Variants in FRG1 observed in about 807,000 individuals in gnomAD.
FRG1 encodes the protein FSHD region gene 1, also known as protein FRG1.
In FRG1, 19 loss-of-function variants were observed where a neutral mutation model predicts 37.0. That is an observed-to-expected ratio of 0.51 (90% CI 0.36 to 0.75). The LOEUF is 0.75. Ranked by LOEUF, FRG1 falls within the 30% of genes least tolerant of loss-of-function variation. The pLI, the probability that FRG1 is intolerant of heterozygous loss-of-function variation, is 0.00. For missense variants in FRG1, 243 were observed against 301.4 expected, an observed-to-expected ratio of 0.81 and a Z score of 1.44; for synonymous variants, 73 against 96.5, an observed-to-expected ratio of 0.76 and a Z score of 1.43.
At chr4:189,948,314 G>A (rs1225403946) in intron 2 of FRG1, among the ~76,000 whole-genome samples, 3 of 152,146 alleles carry the variant, frequency 2.0e-5, no homozygotes, top group South Asian at 2.1e-4. Context: ...TAATAAAAAC[G>A]AGCATGTCTG....
chr4:189,952,309 G>C, intron 3 of FRG1, 22 bp downstream of exon 3: 1 of 1,594,216 alleles, frequency 6.3e-7, no homozygotes, highest in South Asian at 1.1e-5. Context: ...GAAGGGAAGA[G>C]GCTGCCACAA....
At chr4:189,946,313 A>G (rs901472118) in intron 2 of FRG1, among the ~76,000 whole-genome samples, 2 of 144,436 alleles carry the variant, frequency 1.4e-5, no homozygotes, top group Non-Finnish European at 3.0e-5. Flanking sequence ...TGATAAGCCA[A>G]AAAAAAAAAA....
At chr4:189,942,474 T>G (rs1736354338) in intron 1 of FRG1, among the ~76,000 whole-genome samples, 1 of 152,226 alleles carries the variant, frequency 6.6e-6, no homozygotes, top group Non-Finnish European at 1.5e-5. Context: ...ATGCAACATG[T>G]GGCCTTTTGT....
intron 4 of FRG1, among the ~76,000 whole-genome samples, chr4:189,954,588 C>CT (rs1561072776): frequency 5.1e-5 from 7 of 137,028 alleles, no homozygotes; most frequent in African/African-American, 1.1e-4. Context: ...TCACATGTAG[C>CT]TTTTTTCTTT....
intron 2 of FRG1, among the ~76,000 whole-genome samples, chr4:189,944,024 T>C (rs555524665): frequency 3.9e-5 from 6 of 152,278 alleles, no homozygotes; most frequent in Non-Finnish European, 4.4e-5. Context: ...TATAAGAAAA[T>C]GCCAAAAGTT....
At position 189,943,238 on chromosome 4, in the gene FRG1, A is replaced by G; in HGVS notation, c.99A>G (p.Arg33=). 1 of 1,608,302 alleles carries G rather than the reference A, an allele frequency of 6.2e-7. No homozygotes were observed. Among genetic ancestry groups the G allele is most frequent in the South Asian group, 1.1e-5 (1 of 89,878 alleles). ...AGAGCAAAGATAAGAAAAGAAAAAG[A>G]GAAGAAGATGAAGAAACCCAGCTTG... ...KKKSKDKKRK[R]EEDEETQLDI... Residue 33 remains arginine (R), a synonymous_variant, in exon 2 of 9, where the codon AGA becomes AGG. Transcript: ENST00000226798.
At chr4:189,948,202 T>A (rs1446194842) in intron 2 of FRG1, among the ~76,000 whole-genome samples, 1 of 152,188 alleles carries the variant, frequency 6.6e-6, no homozygotes, top group Non-Finnish European at 1.5e-5. Flanking sequence ...ACCTTTTAAT[T>A]TTTTAAAGCT....
intron 3 of FRG1, 126 bp downstream of exon 3, chr4:189,952,413 A>G (rs1308331762): frequency 1.2e-6 from 1 of 807,112 alleles, no homozygotes; most frequent in Non-Finnish European, 1.9e-6. Flanking sequence ...TGACTCTTCC[A>G]TTTTTTTTTA....
chr4:189,947,526 G>C (rs199931328), intron 2 of FRG1, among the ~76,000 whole-genome samples: 4 of 152,122 alleles, frequency 2.6e-5, no homozygotes, highest in African/African-American at 9.7e-5. Flanking sequence ...GTGACTCTTA[G>C]TCTAGGAAAG....
chr4:189,951,477 G>A (rs1297686588), intron 2 of FRG1, among the ~76,000 whole-genome samples: 7 of 139,720 alleles, frequency 5.0e-5, no homozygotes, highest in Admixed American at 4.9e-4. Flanking sequence ...GCGACAGAGC[G>A]AGTCTCCGTC....
intron 2 of FRG1, among the ~76,000 whole-genome samples, chr4:189,951,789 C>T (rs575949447): frequency 3.6e-4 from 55 of 152,038 alleles, no homozygotes; most frequent in Non-Finnish European, 6.8e-4. Flanking sequence ...CCCAGCTCCC[C>T]GAGTAGCTGA....
At chr4:189,951,469 G>A (rs190759077) in intron 2 of FRG1, among the ~76,000 whole-genome samples, 177 of 146,720 alleles carry the variant, frequency 1.2e-3, no homozygotes, top group Admixed American at 2.4e-3. Context: ...CAGCCTGGGC[G>A]ACAGAGCGAG....
intron 6 of FRG1, among the ~76,000 whole-genome samples, chr4:189,959,630 A>T (rs1737143631): frequency 6.6e-6 from 1 of 152,224 alleles, no homozygotes. Context: ...ATATCATCAC[A>T]AAAGTGTTAC....
chr4:189,940,951 G>T lies in FRG1; in HGVS notation c.-59G>T, dbSNP rs971593915. 11 of 1,403,928 alleles carry T rather than the reference G, an allele frequency of 7.8e-6. No individual in the cohort carries two copies. The African/African-American group carries it at 8.8e-5, about 11-fold the overall frequency. The allele number at this position is 1,403,928 out of a possible 1,614,324, so 87.0% of individuals were successfully genotyped here. On this transcript the variant is annotated 5_prime_UTR_variant, in exon 1 of 9. Coordinates refer to ENST00000226798, the MANE Select transcript of FRG1 (RefSeq NM_004477.3). ...TTTCTCCGCGCCCCTGTGCTGCCCC[G>T]ACTCACATACTCGTCCAGAACCGGC...
intron 2 of FRG1, among the ~76,000 whole-genome samples, chr4:189,944,338 G>A (rs112227056): frequency 7.9e-5 from 12 of 152,078 alleles, no homozygotes; most frequent in East Asian, 1.9e-4. Flanking sequence ...CACCACACCC[G>A]GCTAATTTTT....
intron 2 of FRG1, among the ~76,000 whole-genome samples, chr4:189,948,758 G>A (rs199673943): frequency 6.6e-5 from 10 of 152,282 alleles, no homozygotes; most frequent in Admixed American, 2.6e-4. Flanking sequence ...TGACATGATC[G>A]TGGCTCAGTG....
chr4:189,959,491 C>G (rs1420935450), intron 6 of FRG1, among the ~76,000 whole-genome samples: 1 of 152,148 alleles, frequency 6.6e-6, no homozygotes, highest in Non-Finnish European at 1.5e-5. Context: ...AGAGGCCACT[C>G]TCAATATTTC....
At chr4:189,942,779 GT>G (rs1311214449) in intron 1 of FRG1, among the ~76,000 whole-genome samples, 3 of 152,186 alleles carry the variant, frequency 2.0e-5, no homozygotes, top group Non-Finnish European at 4.4e-5. Flanking sequence ...ACCCCAAACT[GT>G]TTCCTGTAGA....
intron 4 of FRG1, among the ~76,000 whole-genome samples, chr4:189,954,786 G>A (rs1460253454): frequency 6.6e-6 from 1 of 151,860 alleles, no homozygotes; most frequent in Non-Finnish European, 1.5e-5. Context: ...TGTAGAGATG[G>A]GGTCTCACTG....
Sources: gnomAD v4.1 joint callset for allele counts (sites outside exome capture counted in the v4.1 genomes callset) on GRCh38, gnomAD v4.1.1 for gene constraint, MANE v1.5 for transcripts, NCBI Gene and HGNC (gene_info 2026-07-23, HGNC 2026-07-21) for gene names.